Variants in TTBK2 observed in about 807,000 individuals in gnomAD.
TTBK2 encodes the protein tau-tubulin kinase 2.
TTBK2 carries 28 observed loss-of-function variants against 110.8 expected under a neutral mutation model. That is an observed-to-expected ratio of 0.25 (90% CI 0.19 to 0.35). The LOEUF is 0.35. Ranked by LOEUF, TTBK2 falls within the 10% of genes least tolerant of loss-of-function variation. The pLI is 1.00. For synonymous variants in TTBK2, 532 were observed against 527.3 expected, an observed-to-expected ratio of 1.01 and a Z score of -0.12; for missense variants, 1,369 against 1,500.3, an observed-to-expected ratio of 0.91 and a Z score of 1.45.
intron 9 of TTBK2, among the ~76,000 whole-genome samples, chr15:42,808,381 C>T (rs902178316): frequency 6.6e-6 from 1 of 152,196 alleles, no homozygotes; most frequent in Admixed American, 6.5e-5. Context: ...AACAAAAAAA[C>T]TGACTTTGGT....
intron 4 of TTBK2, among the ~76,000 whole-genome samples, chr15:42,832,939 T>C (rs1260547856): frequency 6.6e-6 from 1 of 152,140 alleles, no homozygotes; most frequent in African/African-American, 2.4e-5. Context: ...AATAGTTACA[T>C]AAATAATAGT....
intron 3 of TTBK2, among the ~76,000 whole-genome samples, chr15:42,870,859 CAA>C (rs747224076): frequency 2.5e-4 from 22 of 88,602 alleles, no homozygotes; most frequent in East Asian, 3.1e-4. Flanking sequence ...GACTCCGTCT[CAA>C]AAAAAAAAAA....
chr15:42,750,670 G>A (rs938505585), intron 14 of TTBK2, among the ~76,000 whole-genome samples: 11 of 151,794 alleles, frequency 7.2e-5, no homozygotes, highest in African/African-American at 2.4e-4. Context: ...AAGGAGAAAA[G>A]AGAAAGAGGC....
intron 9 of TTBK2, among the ~76,000 whole-genome samples, chr15:42,797,675 T>C (rs553543315): frequency 6.6e-6 from 1 of 152,292 alleles, no homozygotes; most frequent in South Asian, 2.1e-4. Context: ...ATGTGTTACA[T>C]CACATTTGGT....
At chr15:42,906,400 CAAAAG>C (rs1596046161) in intron 1 of TTBK2, among the ~76,000 whole-genome samples, 1 of 152,124 alleles carries the variant, frequency 6.6e-6, no homozygotes. Flanking sequence ...TTTTTGTCAG[CAAAAG>C]AAAATTACCA....
At chr15:42,878,189 A>T (rs1313532802) in intron 2 of TTBK2, among the ~76,000 whole-genome samples, 1 of 147,996 alleles carries the variant, frequency 6.8e-6, no homozygotes, top group Non-Finnish European at 1.5e-5. Flanking sequence ...TCATCGTGTT[A>T]GCCAAGATGG....
intron 9 of TTBK2, chr15:42,801,950 C>T (rs1891230922): frequency 6.3e-7 from 1 of 1,586,122 alleles, no homozygotes; most frequent in Non-Finnish European, 8.6e-7. Context: ...TTCTCCTGGC[C>T]CAGAGTCTCC....
intron 9 of TTBK2, among the ~76,000 whole-genome samples, chr15:42,795,951 A>G (rs900058942): frequency 6.6e-6 from 1 of 152,144 alleles, no homozygotes; most frequent in Non-Finnish European, 1.5e-5. Flanking sequence ...TTAAGAGATT[A>G]CTGTCAGCTG....
intron 1 of TTBK2, among the ~76,000 whole-genome samples, chr15:42,913,340 A>G (rs2030893046): frequency 1.3e-5 from 2 of 152,096 alleles, no homozygotes; most frequent in South Asian, 4.2e-4. Context: ...AAATCTAAGT[A>G]AAATATCTAT....
chr15:42,791,876 T>G (rs1370097347), intron 10 of TTBK2, among the ~76,000 whole-genome samples: 1 of 151,910 alleles, frequency 6.6e-6, no homozygotes, highest in East Asian at 1.9e-4. Flanking sequence ...GCGTGGTGGC[T>G]CGTGCCTGTG....
At chr15:42,800,336 ATTCT>A (rs754029881) in intron 9 of TTBK2, 13 of 430,896 alleles carry the variant, frequency 3.0e-5, no homozygotes, top group South Asian at 2.2e-4. Flanking sequence ...AAATACCCTT[ATTCT>A]TTATGGCAAT....
At chr15:42,911,961 T>TACACACACAC (rs10545933) in intron 1 of TTBK2, among the ~76,000 whole-genome samples, 5 of 149,850 alleles carry the variant, frequency 3.3e-5, no homozygotes, top group African/African-American at 1.2e-4. Flanking sequence ...ATGAGTTAAA[T>TACACACACAC]ACACACACAC....
chr15:42,825,343 G>C (rs1313368493), intron 6 of TTBK2, among the ~76,000 whole-genome samples: 3 of 152,120 alleles, frequency 2.0e-5, no homozygotes, highest in Non-Finnish European at 4.4e-5. Flanking sequence ...ACAAAATATA[G>C]AATGGAGAGT....
chr15:42,831,794 A>G (rs1348391750), intron 4 of TTBK2, among the ~76,000 whole-genome samples: 1 of 152,124 alleles, frequency 6.6e-6, no homozygotes, highest in Non-Finnish European at 1.5e-5. Flanking sequence ...CTGCAGCACT[A>G]CCTCCCAAAG....
chr15:42,856,982 A>G (rs1199374309), intron 3 of TTBK2, among the ~76,000 whole-genome samples: 1 of 151,642 alleles, frequency 6.6e-6, no homozygotes, highest in Non-Finnish European at 1.5e-5. Context: ...AATCTCTTGA[A>G]CCTTGGAGGC....
At chr15:42,769,467 T>G (rs988002247) in intron 13 of TTBK2, among the ~76,000 whole-genome samples, 1 of 141,186 alleles carries the variant, frequency 7.1e-6, no homozygotes, top group African/African-American at 2.8e-5. Flanking sequence ...CAGACACTTC[T>G]CAAAAGAAGA....
chr15:42,859,890 A>C (rs963428582), intron 3 of TTBK2, among the ~76,000 whole-genome samples: 2 of 152,166 alleles, frequency 1.3e-5, no homozygotes, highest in East Asian at 1.9e-4. Flanking sequence ...ATCCTAAGAA[A>C]GAACGAAAAG....
intron 6 of TTBK2, among the ~76,000 whole-genome samples, chr15:42,820,700 C>CAA (rs376951443): frequency 6.4e-5 from 9 of 140,962 alleles, no homozygotes; most frequent in African/African-American, 2.3e-4. Flanking sequence ...TCTGAAGCTG[C>CAA]AAAAAAAAAA....
intron 4 of TTBK2, among the ~76,000 whole-genome samples, chr15:42,839,576 G>C (rs1567053583): frequency 6.6e-6 from 1 of 152,176 alleles, no homozygotes; most frequent in African/African-American, 2.4e-5. Context: ...CAGTGTATAA[G>C]TGTTTCCTTT....
Sources: allele counts gnomAD v4.1 joint callset (sites outside exome capture counted in the v4.1 genomes callset), GRCh38; gene constraint gnomAD v4.1.1; transcripts MANE v1.5; gene names NCBI Gene and HGNC (gene_info 2026-07-23, HGNC 2026-07-21).